Variants in SHC4 observed in about 807,000 individuals in gnomAD.
SHC4 encodes SHC adaptor protein 4, also known as SHC-transforming protein 4.
Under a neutral mutation model 69.4 loss-of-function variants are expected in SHC4, and 41 were observed. The ratio of observed to expected loss-of-function variants is 0.59; its 90% CI spans 0.46 to 0.77. SHC4 has a LOEUF of 0.77. Among genes scored for constraint, SHC4 ranks in the 30% least tolerant of loss-of-function variants. SHC4 has a pLI of 0.00. For synonymous variants in SHC4, 318 were observed against 299.3 expected, an observed-to-expected ratio of 1.06 and a Z score of -0.64; for missense variants, 777 against 783.8, an observed-to-expected ratio of 0.99 and a Z score of 0.10.
At chr15:48,877,251 G>T in intron 4 of SHC4, 1 of 228,880 alleles carries the variant, frequency 4.4e-6, no homozygotes, top group Non-Finnish European at 7.5e-6. Context: ...ATCACCCCCA[G>T]ATGGGACCAT....
At chr15:48,904,599 T>G (rs1191955963) in intron 2 of SHC4, among the ~76,000 whole-genome samples, 1 of 152,148 alleles carries the variant, frequency 6.6e-6, no homozygotes, top group Admixed American at 6.6e-5. Context: ...TATACCTGGC[T>G]GGGCACAGTG....
intron 2 of SHC4, among the ~76,000 whole-genome samples, chr15:48,914,418 G>A (rs1595755528): frequency 6.6e-6 from 1 of 152,322 alleles, no homozygotes; most frequent in East Asian, 1.9e-4. Context: ...CTTTCGAGGT[G>A]ATTTTGCGGT....
chr15:48,897,700 C>G (rs1177377163), intron 2 of SHC4, among the ~76,000 whole-genome samples: 4 of 143,724 alleles, frequency 2.8e-5, no homozygotes, highest in Admixed American at 1.4e-4. Flanking sequence ...TGAAACCAGG[C>G]AAAGGGGCCC....
chr15:48,850,615 G>A (rs778088157), intron 9 of SHC4, among the ~76,000 whole-genome samples: 6 of 152,166 alleles, frequency 3.9e-5, no homozygotes, highest in Non-Finnish European at 7.3e-5. Flanking sequence ...AATATAACAT[G>A]TTTTAATTAA....
At chr15:48,867,434 C>A (rs942822325) in intron 6 of SHC4, among the ~76,000 whole-genome samples, 2 of 149,044 alleles carry the variant, frequency 1.3e-5, no homozygotes, top group Non-Finnish European at 2.9e-5. Flanking sequence ...CACACAGACA[C>A]ACACACAGAC....
chr15:48,872,826 GA>G (rs1190790890), intron 4 of SHC4, among the ~76,000 whole-genome samples: 1 of 152,140 alleles, frequency 6.6e-6, no homozygotes, highest in East Asian at 1.9e-4. Flanking sequence ...GAGAGTCTAG[GA>G]TTGCTTGTTT....
intron 11 of SHC4, among the ~76,000 whole-genome samples, chr15:48,828,005 G>T (rs888768558): frequency 5.3e-5 from 8 of 151,952 alleles, no homozygotes; most frequent in African/African-American, 1.9e-4. Context: ...GCCTAGTCCT[G>T]CAGACACTTG....
At chr15:48,919,917 T>C (rs1242119975) in intron 2 of SHC4, among the ~76,000 whole-genome samples, 1 of 151,484 alleles carries the variant, frequency 6.6e-6, no homozygotes, top group African/African-American at 2.4e-5. Flanking sequence ...ATGTTAGACA[T>C]AACTGAATCC....
chr15:48,856,722 GACAA>G (rs900768169), intron 7 of SHC4, among the ~76,000 whole-genome samples: 18 of 138,456 alleles, frequency 1.3e-4, no homozygotes, highest in African/African-American at 2.5e-4. Flanking sequence ...AACAGGGCAA[GACAA>G]ACAAACAGAC....
intron 8 of SHC4, among the ~76,000 whole-genome samples, chr15:48,852,334 G>A (rs958040818): frequency 6.6e-6 from 1 of 152,122 alleles, no homozygotes; most frequent in Non-Finnish European, 1.5e-5. Flanking sequence ...GAAAAGGTAA[G>A]ACTTACTTTG....
At chr15:48,890,219 A>G (rs1900110675) in intron 3 of SHC4, among the ~76,000 whole-genome samples, 1 of 152,256 alleles carries the variant, frequency 6.6e-6, no homozygotes, top group South Asian at 2.1e-4. Context: ...AGTCTGTCTA[A>G]CATCAAAACT....
Position 48,855,979 on chromosome 15 carries a change from T to C in SHC4, c.1216A>G (p.Ile406Val). 1 of 1,613,744 alleles carries C rather than the reference T, an allele frequency of 6.2e-7. No individual in the cohort carries two copies. Among genetic ancestry groups the C allele is most frequent in the Non-Finnish European group, 8.5e-7 (1 of 1,179,792 alleles). The change falls in exon 8 of 12, where the codon ATA becomes GTA. Residue 406 changes from isoleucine (I) to valine (V), a missense_variant. Ile to Val is a conservative substitution (Grantham distance 29). Transcript: ENST00000332408. ...QATEQMAYCPIQCEKLCYLPG... is the reference protein window; with the variant it reads ...QATEQMAYCPVQCEKLCYLPG... The stretch of plus-strand genomic sequence containing the variant: ...AAATAGCACAACTTTTCACACTGTA[T>C]GGGGCAGTAAGCCATTTGTTCCGTG...
At chr15:48,866,689 T>C (rs1391686036) in intron 6 of SHC4, among the ~76,000 whole-genome samples, 1 of 152,162 alleles carries the variant, frequency 6.6e-6, no homozygotes, top group South Asian at 2.1e-4. Flanking sequence ...AGGTCCAGGG[T>C]GTTCTATTTA....
intron 9 of SHC4, among the ~76,000 whole-genome samples, chr15:48,850,709 A>G (rs1275989682): frequency 6.6e-6 from 1 of 152,204 alleles, no homozygotes; most frequent in Non-Finnish European, 1.5e-5. Flanking sequence ...AACATTTACT[A>G]CTCTGGCAAG....
intron 2 of SHC4, among the ~76,000 whole-genome samples, chr15:48,901,851 C>A (rs1380223306): frequency 6.6e-6 from 1 of 152,130 alleles, no homozygotes; most frequent in African/African-American, 2.4e-5. Context: ...TGAACAGTAC[C>A]TCAGTAAATG....
At chr15:48,939,375 A>T (rs1901133373) in intron 1 of SHC4, among the ~76,000 whole-genome samples, 1 of 152,202 alleles carries the variant, frequency 6.6e-6, no homozygotes, top group Admixed American at 6.5e-5. Context: ...ATTTCCAGAC[A>T]ATGGGCACAG....
intron 1 of SHC4, among the ~76,000 whole-genome samples, chr15:48,929,304 T>C (rs1268419666): frequency 6.6e-6 from 1 of 152,196 alleles, no homozygotes; most frequent in Non-Finnish European, 1.5e-5. Flanking sequence ...TGACAATACT[T>C]CTCATTCACG....
At chr15:48,890,629 C>G in intron 3 of SHC4, 119 bp downstream of exon 3, 1 of 1,121,858 alleles carries the variant, frequency 8.9e-7, no homozygotes, top group Non-Finnish European at 1.4e-6. Context: ...TGATATCACG[C>G]CACCTAATAA....
At chr15:48,840,765 T>C (rs1258734127) in intron 10 of SHC4, among the ~76,000 whole-genome samples, 1 of 152,158 alleles carries the variant, frequency 6.6e-6, no homozygotes, top group Non-Finnish European at 1.5e-5. Context: ...TGGATTTATT[T>C]TGGAGGGAGC....
Sources: allele counts gnomAD v4.1 joint callset (sites outside exome capture counted in the v4.1 genomes callset), GRCh38; gene constraint gnomAD v4.1.1; transcripts MANE v1.5; gene names NCBI Gene and HGNC (gene_info 2026-07-23, HGNC 2026-07-21).